Variants in RCAN1 observed in about 807,000 individuals in gnomAD.
RCAN1 encodes the protein calcipressin-1.
Under a neutral mutation model 22.9 loss-of-function variants are expected in RCAN1, and 11 were observed. The ratio of observed to expected loss-of-function variants is 0.48; its 90% CI spans 0.30 to 0.79. The LOEUF (loss-of-function observed/expected upper bound fraction) is 0.79, where lower values mean the gene tolerates loss of function less well. Ranked by LOEUF, RCAN1 falls within the 30% of genes least tolerant of loss-of-function variation. The pLI is 0.06. For synonymous variants in RCAN1, 136 were observed against 142.3 expected (o/e 0.96, Z 0.32); for missense variants, 291 against 337.8 (o/e 0.86, Z 1.09).
At chr21:34,557,388 T>C (rs1182895086) in intron 1 of RCAN1, among the ~76,000 whole-genome samples, 1 of 152,142 alleles carries the variant, frequency 6.6e-6, no homozygotes, top group Non-Finnish European at 1.5e-5. Context: ...AACGCCCCAC[T>C]GAGGTGTGCA....
chr21:34,527,497 A>C (rs1031510624), intron 1 of RCAN1, among the ~76,000 whole-genome samples: 1 of 152,220 alleles, frequency 6.6e-6, no homozygotes, highest in African/African-American at 2.4e-5. Flanking sequence ...CCCACAGTGG[A>C]ATGGAGCAAA....
intron 1 of RCAN1, among the ~76,000 whole-genome samples, chr21:34,596,423 T>C (rs1319777133): frequency 6.6e-6 from 1 of 152,104 alleles, no homozygotes; most frequent in East Asian, 1.9e-4. Context: ...GAGAAAGAGT[T>C]GGCTAAAGTA....
intron 1 of RCAN1, among the ~76,000 whole-genome samples, chr21:34,550,338 CT>C (rs1986321066): frequency 6.6e-6 from 1 of 152,176 alleles, no homozygotes; most frequent in South Asian, 2.1e-4. Context: ...AAATGAACTC[CT>C]CCCAAAAATA....
chr21:34,596,632 G>A (rs1706180144), intron 1 of RCAN1, among the ~76,000 whole-genome samples: 1 of 152,236 alleles, frequency 6.6e-6, no homozygotes. Context: ...CCATGCAGAA[G>A]ATGCAGAAAG....
intron 1 of RCAN1, among the ~76,000 whole-genome samples, chr21:34,585,912 A>G (rs928795994): frequency 1.3e-5 from 2 of 152,170 alleles, no homozygotes; most frequent in South Asian, 4.1e-4. Flanking sequence ...CATGCAAAAT[A>G]GACTTTAAGA....
chr21:34,533,010 G>T (rs60280604), intron 1 of RCAN1, among the ~76,000 whole-genome samples: 7 of 151,014 alleles, frequency 4.6e-5, no homozygotes, highest in South Asian at 2.1e-4. Context: ...GCCCAGGCTG[G>T]AGTGCAGTGG....
chr21:34,528,624 G>A (rs1321898688), intron 1 of RCAN1, among the ~76,000 whole-genome samples: 1 of 152,200 alleles, frequency 6.6e-6, no homozygotes, highest in Non-Finnish European at 1.5e-5. Flanking sequence ...AGGGGAAACA[G>A]AGGTGAGGGG....
intron 1 of RCAN1, among the ~76,000 whole-genome samples, chr21:34,562,025 C>T (rs1268555322): frequency 6.6e-6 from 1 of 152,244 alleles, no homozygotes; most frequent in East Asian, 1.9e-4. Flanking sequence ...ACATTTCCTT[C>T]CATGTGACTG....
At chr21:34,555,683 G>C (rs1479881465) in intron 1 of RCAN1, among the ~76,000 whole-genome samples, 1 of 151,990 alleles carries the variant, frequency 6.6e-6, no homozygotes, top group Non-Finnish European at 1.5e-5. Flanking sequence ...GCTGGGTGAG[G>C]AGCTGAATAT....
intron 1 of RCAN1, among the ~76,000 whole-genome samples, chr21:34,545,773 C>T (rs1344627976): frequency 1.3e-5 from 2 of 152,186 alleles, no homozygotes; most frequent in Admixed American, 6.5e-5. Context: ...CACAAAGTCT[C>T]GCAAGGATTT....
At chr21:34,520,916 T>G (rs1275934985) in intron 3 of RCAN1, 2 of 255,672 alleles carry the variant, frequency 7.8e-6, no homozygotes, top group Non-Finnish European at 1.2e-5. Context: ...GCTCACACTT[T>G]TGTCCCTCCA....
chr21:34,525,822 A>G (rs531903486), intron 1 of RCAN1, among the ~76,000 whole-genome samples: 38 of 152,336 alleles, frequency 2.5e-4, no homozygotes, highest in African/African-American at 8.4e-4. Context: ...AAAAACATAG[A>G]ATGTGCTCTG....
intron 1 of RCAN1, among the ~76,000 whole-genome samples, chr21:34,533,446 A>G (rs1170260471): frequency 6.6e-6 from 1 of 152,248 alleles, no homozygotes; most frequent in Non-Finnish European, 1.5e-5. Context: ...ATAAAAGGTA[A>G]CATGCTATAT....
At chr21:34,613,792 C>A (rs185485114) in intron 1 of RCAN1, 2 of 1,502,684 alleles carry the variant, frequency 1.3e-6, no homozygotes, top group African/African-American at 1.4e-5. Context: ...CTTACATACA[C>A]CATTCTGTTT....
intron 1 of RCAN1, among the ~76,000 whole-genome samples, chr21:34,574,559 CGTGAATAATAGAATGTT>C (rs1987345175): frequency 6.6e-6 from 1 of 151,994 alleles, no homozygotes; most frequent in Non-Finnish European, 1.5e-5. Flanking sequence ...GAATAGGAAA[CGTGAATAATAGAATGTT>C]TGTCATAACT....
intron 1 of RCAN1, among the ~76,000 whole-genome samples, chr21:34,595,813 C>T (rs1457944511): frequency 1.3e-5 from 2 of 152,206 alleles, no homozygotes; most frequent in African/African-American, 4.8e-5. Flanking sequence ...CAGGCTGCCT[C>T]AAGGAGCTGG....
At chr21:34,585,525 C>G (rs1019172083) in intron 1 of RCAN1, among the ~76,000 whole-genome samples, 1 of 152,006 alleles carries the variant, frequency 6.6e-6, no homozygotes, top group Non-Finnish European at 1.5e-5. Context: ...GGGCGGATCA[C>G]AAGGTCAGGA....
chr21:34,546,273 C>A (rs1232565923), intron 1 of RCAN1, among the ~76,000 whole-genome samples: 1 of 152,170 alleles, frequency 6.6e-6, no homozygotes, highest in South Asian at 2.1e-4. Context: ...TTCTTCCCAG[C>A]AGGCCAAGAA....
At chr21:34,535,427 G>T (rs1985624603) in intron 1 of RCAN1, among the ~76,000 whole-genome samples, 1 of 149,654 alleles carries the variant, frequency 6.7e-6, no homozygotes, top group African/African-American at 2.5e-5. Context: ...GGGCTTTGAA[G>T]GTGTTAACCA....
Sources: allele counts gnomAD v4.1 joint callset (sites outside exome capture counted in the v4.1 genomes callset), GRCh38; gene constraint gnomAD v4.1.1; transcripts MANE v1.5; gene names NCBI Gene and HGNC (gene_info 2026-07-23, HGNC 2026-07-21).